RORA: variants seen among roughly 807,000 people sequenced by gnomAD.
RORA encodes RAR related orphan receptor A.
A neutral mutation model predicts 69.5 loss-of-function variants in RORA; 7 were observed. The observed-to-expected ratio is 0.10, with a 90% confidence interval of 0.06 to 0.19. RORA has a LOEUF of 0.19. RORA is among the 10% of genes least tolerant of loss of function. The probability of loss-of-function intolerance (pLI) is 1.00; values close to 1 mark genes in which losing one functional copy is unlikely to be tolerated. For missense variants in RORA, 457 were observed against 663.0 expected (o/e 0.69, Z 3.41); for synonymous variants, 261 against 240.8 (o/e 1.08, Z -0.78).
At chr15:61,188,107 C>T (rs1166691766) in intron 1 of RORA, among the ~76,000 whole-genome samples, 2 of 152,114 alleles carry the variant, frequency 1.3e-5, no homozygotes, top group Non-Finnish European at 2.9e-5. Context: ...CCCCGAAATA[C>T]CCAATGACCC....
At chr15:60,737,338 C>T (rs1042969252) in intron 1 of RORA, among the ~76,000 whole-genome samples, 31 of 152,300 alleles carry the variant, frequency 2.0e-4, no homozygotes, top group African/African-American at 7.0e-4. Context: ...AAATTCATTA[C>T]GTCCCCTAGT....
intron 1 of RORA, among the ~76,000 whole-genome samples, chr15:60,794,244 T>C (rs1457299299): frequency 6.6e-6 from 1 of 152,214 alleles, no homozygotes; most frequent in Non-Finnish European, 1.5e-5. Flanking sequence ...CCCAACACTA[T>C]TGCTTTAATG....
At chr15:60,735,750 C>G (rs987334742) in intron 1 of RORA, among the ~76,000 whole-genome samples, 1 of 152,068 alleles carries the variant, frequency 6.6e-6, no homozygotes, top group Non-Finnish European at 1.5e-5. Flanking sequence ...GGCAGTTTGG[C>G]AGGAAACACA....
At chr15:61,118,819 A>G (rs2079073768) in intron 1 of RORA, among the ~76,000 whole-genome samples, 1 of 152,192 alleles carries the variant, frequency 6.6e-6, no homozygotes, top group Non-Finnish European at 1.5e-5. Context: ...TAAAACTCCC[A>G]ACTGTTTTTT....
At chr15:60,780,975 A>G (rs2072244541) in intron 1 of RORA, among the ~76,000 whole-genome samples, 1 of 152,218 alleles carries the variant, frequency 6.6e-6, no homozygotes, top group South Asian at 2.1e-4. Context: ...CAGTAACTTT[A>G]GTAGGTGGAT....
intron 1 of RORA, among the ~76,000 whole-genome samples, chr15:61,091,736 G>A (rs996982727): frequency 6.6e-6 from 1 of 152,232 alleles, no homozygotes; most frequent in Non-Finnish European, 1.5e-5. Context: ...TTTGCTGAGT[G>A]CCTAGTAGTG....
intron 2 of RORA, among the ~76,000 whole-genome samples, chr15:60,547,085 T>G (rs1467386246): frequency 6.6e-6 from 1 of 152,162 alleles, no homozygotes; most frequent in Non-Finnish European, 1.5e-5. Flanking sequence ...ATGATAGCCT[T>G]CGAATGCTCT....
At chr15:60,943,916 C>CAAAAAAAA (rs545168599) in intron 1 of RORA, among the ~76,000 whole-genome samples, 32 of 32,356 alleles carry the variant, frequency 9.9e-4, no homozygotes, top group South Asian at 5.1e-3. Context: ...ACTCCATCTC[C>CAAAAAAAA]AAAAAAAAAA....
At chr15:61,088,030 C>T (rs1482851311) in intron 1 of RORA, among the ~76,000 whole-genome samples, 2 of 152,230 alleles carry the variant, frequency 1.3e-5, no homozygotes, top group South Asian at 4.1e-4. Context: ...AAACCCCACT[C>T]TTGACTTGGT....
intron 1 of RORA, among the ~76,000 whole-genome samples, chr15:60,995,772 G>A (rs1029751922): frequency 6.6e-6 from 1 of 152,108 alleles, no homozygotes; most frequent in African/African-American, 2.4e-5. Context: ...CAAATAGTAC[G>A]CCCCACATAT....
intron 1 of RORA, chr15:60,682,392 T>G (rs765610713): frequency 6.6e-6 from 1 of 152,142 alleles, no homozygotes; most frequent in Non-Finnish European, 1.5e-5. Context: ...ATCCTCATAT[T>G]TGATGGAAGA....
chr15:60,635,058 C>T (rs554223201), intron 2 of RORA, among the ~76,000 whole-genome samples: 4 of 152,198 alleles, frequency 2.6e-5, no homozygotes, highest in African/African-American at 9.7e-5. Context: ...CCACGGAGCA[C>T]GGCCTGCCCC....
chr15:60,654,051 G>A (rs2070186145), intron 2 of RORA, among the ~76,000 whole-genome samples: 1 of 152,100 alleles, frequency 6.6e-6, no homozygotes, highest in Non-Finnish European at 1.5e-5. Flanking sequence ...CGTGAAGGCC[G>A]CCTCTTTAGA....
intron 1 of RORA, among the ~76,000 whole-genome samples, chr15:60,780,313 A>G (rs973693860): frequency 2.0e-5 from 3 of 152,170 alleles, no homozygotes; most frequent in African/African-American, 7.2e-5. Context: ...GTATTTTTTA[A>G]AAAAGTTCCA....
intron 1 of RORA, among the ~76,000 whole-genome samples, chr15:61,196,159 C>A (rs16943763): frequency 2.0e-5 from 3 of 152,120 alleles, no homozygotes; most frequent in Non-Finnish European, 2.9e-5. Flanking sequence ...CCAAAAGTTA[C>A]GTAATTTTGC....
intron 1 of RORA, among the ~76,000 whole-genome samples, chr15:61,085,230 C>T (rs1325867930): frequency 6.6e-6 from 1 of 152,194 alleles, no homozygotes; most frequent in Non-Finnish European, 1.5e-5. Flanking sequence ...AGTCCCAAGT[C>T]GTCACTCTTT....
In RORA at chr15:61,145,040, TCTAAA is replaced by T. The variant is rs563338412; in HGVS notation, c.166+84008_166+84012del. On this transcript the variant is annotated intron_variant, in intron 1 of 10. Transcript: ENST00000335670. ...GATATCTTGATGGTATACGCCTCTA[TCTAAA>T]AGAAGCCTTTTTTTGTTTCCATACT... Among the ~76,000 whole-genome samples, 19 of 152,332 alleles carry T rather than the reference TCTAAA, an allele frequency of 1.2e-4. 1 individual carries two copies. The South Asian group carries it at 2.9e-3, about 23-fold the overall frequency.
At chr15:60,865,567 G>A (rs1240416519) in intron 1 of RORA, among the ~76,000 whole-genome samples, 1 of 152,220 alleles carries the variant, frequency 6.6e-6, no homozygotes, top group African/African-American at 2.4e-5. Context: ...TGCCAAGGGT[G>A]AGCGTCCTCT....
At chr15:60,716,068 G>A (rs2071214951) in intron 1 of RORA, among the ~76,000 whole-genome samples, 1 of 151,896 alleles carries the variant, frequency 6.6e-6, no homozygotes, top group Admixed American at 6.5e-5. Flanking sequence ...GAATTGCCTG[G>A]AGATCTTATT....
Sources: gnomAD v4.1 joint callset for allele counts (sites outside exome capture counted in the v4.1 genomes callset) on GRCh38, gnomAD v4.1.1 for gene constraint, MANE v1.5 for transcripts, NCBI Gene and HGNC (gene_info 2026-07-23, HGNC 2026-07-21) for gene names.